CDH23: variants seen among roughly 807,000 people sequenced by gnomAD.
The protein encoded by CDH23 is cadherin related 23.
Under a neutral mutation model 317.1 loss-of-function variants are expected in CDH23, and 189 were observed. That is an observed-to-expected ratio of 0.60 (90% CI 0.53 to 0.67). The LOEUF (loss-of-function observed/expected upper bound fraction) is 0.67, where lower values mean the gene tolerates loss of function less well. Ranked by LOEUF, CDH23 falls within the 30% of genes least tolerant of loss-of-function variation. The probability of loss-of-function intolerance (pLI) is 0.00; values close to 1 mark genes in which losing one functional copy is unlikely to be tolerated. For synonymous variants in CDH23, 1,839 were observed against 1,876.8 expected (o/e 0.98, Z 0.52); for missense variants, 4,401 against 4,592.4 (o/e 0.96, Z 1.20).
Position 71,811,866 on chromosome 10 carries a change from C to A in CDH23, c.9320-89C>A. ...GCCCTTCACTGGGCCCAGGACCATG[C>A]CCCGCACCCCATCCTCCCTCACCCC... On this transcript the variant is annotated intron_variant, in intron 65 of 69. Coordinates refer to ENST00000224721, the MANE Select transcript of CDH23 (RefSeq NM_022124.6). The A allele has an allele frequency of 5.0e-6, 8 of 1,592,326 alleles. No homozygotes were observed. In the South Asian group the frequency reaches 9.0e-5, roughly 18 times the overall value.
intron 19 of CDH23, among the ~76,000 whole-genome samples, chr10:71,689,957 T>TACCTTGAGTCAGTACCTG (rs1305695592): frequency 1.3e-5 from 2 of 152,128 alleles, no homozygotes; most frequent in East Asian, 3.9e-4. Flanking sequence ...GAAAAGCTGA[T>TACCTTGAGTCAGTACCTG]ACCTTGAGTC....
At chr10:71,789,166 G>T (rs921430327) in intron 45 of CDH23, 124 bp downstream of exon 45, 6 of 608,320 alleles carry the variant, frequency 9.9e-6, no homozygotes, top group African/African-American at 1.8e-5. Context: ...GTGCGGGAGG[G>T]GAAGGATGGG....
At chr10:71,648,880 G>C (rs897960009) in intron 14 of CDH23, among the ~76,000 whole-genome samples, 5 of 152,266 alleles carry the variant, frequency 3.3e-5, no homozygotes, top group African/African-American at 1.2e-4. Flanking sequence ...GCCATGAAAG[G>C]TGAGGGCCCA....
chr10:71,550,843 A>G (rs1437812508), intron 6 of CDH23, among the ~76,000 whole-genome samples: 1 of 152,136 alleles, frequency 6.6e-6, no homozygotes, highest in South Asian at 2.1e-4. Context: ...GGGAAGAGAA[A>G]GAGGAGTGTC....
intron 38 of CDH23, among the ~76,000 whole-genome samples, chr10:71,774,042 TGCGCGC>T (rs57108074): frequency 5.6e-5 from 7 of 124,750 alleles, no homozygotes; most frequent in African/African-American, 1.7e-4. Context: ...CCTGAGTGCA[TGCGCGC>T]GCGCACACAC....
intron 48 of CDH23, chr10:71,796,148 G>A (rs1245506135): frequency 6.3e-6 from 6 of 954,178 alleles, no homozygotes; most frequent in South Asian, 9.7e-5. Flanking sequence ...TGCCAAGGGG[G>A]AAGGGAATCT....
intron 28 of CDH23, among the ~76,000 whole-genome samples, chr10:71,719,985 A>T (rs753214679): frequency 6.6e-6 from 1 of 152,054 alleles, no homozygotes; most frequent in Non-Finnish European, 1.5e-5. Context: ...GGGGTGGAAG[A>T]CTCTGGGGAG....
chr10:71,605,359 C>A (rs1860470718), intron 9 of CDH23, among the ~76,000 whole-genome samples: 1 of 151,922 alleles, frequency 6.6e-6, no homozygotes, highest in African/African-American at 2.4e-5. Flanking sequence ...TCTCAGGAGA[C>A]ATTTGGCAAT....
chr10:71,761,582 T>C, intron 38 of CDH23: 5 of 1,557,808 alleles, frequency 3.2e-6, no homozygotes, highest in Non-Finnish European at 4.3e-6. Context: ...GGCTGTCACG[T>C]GCAGGATGCC....
chr10:71,487,329 C>T lies in CDH23; in HGVS notation c.146-22753C>T, dbSNP rs575167915. On this transcript the variant is annotated intron_variant, in intron 3 of 69. Transcript: ENST00000224721. Reference sequence around the variant, plus strand: ...GGGGTTAGGGGTGCTGACCACCACACAGTCAGAAATCCTCATATAACTTTT... The same window carrying T: ...GGGGTTAGGGGTGCTGACCACCACATAGTCAGAAATCCTCATATAACTTTT... 2.5e-4 allele frequency among the ~76,000 whole-genome samples: 38 copies of T among 152,264 alleles called. 1 individual carries two copies. In the East Asian group the frequency reaches 2.9e-3, roughly 12 times the overall value.
At chr10:71,608,187 G>A (rs764969214) in intron 9 of CDH23, among the ~76,000 whole-genome samples, 4 of 152,178 alleles carry the variant, frequency 2.6e-5, no homozygotes, top group Non-Finnish European at 4.4e-5. Context: ...CTCAGTATGC[G>A]GTCTTCACCA....
At chr10:71,502,972 A>C (rs1057163238) in intron 3 of CDH23, among the ~76,000 whole-genome samples, 1 of 152,222 alleles carries the variant, frequency 6.6e-6, no homozygotes, top group African/African-American at 2.4e-5. Context: ...CAGGAGCCGC[A>C]TGACCACAAT....
intron 9 of CDH23, among the ~76,000 whole-genome samples, chr10:71,600,747 A>G (rs1432151685): frequency 6.6e-6 from 1 of 150,982 alleles, no homozygotes; most frequent in Non-Finnish European, 1.5e-5. Context: ...CGATCTCCTG[A>G]CCTTGTGATC....
chr10:71,508,761 C>T (rs897371462), intron 3 of CDH23, among the ~76,000 whole-genome samples: 43 of 152,194 alleles, frequency 2.8e-4, no homozygotes, highest in African/African-American at 9.9e-4. Context: ...GATCTCCTCA[C>T]CCCTTTGAGA....
At chr10:71,761,874 C>T (rs747452242) in intron 38 of CDH23, 2 of 1,614,140 alleles carry the variant, frequency 1.2e-6, no homozygotes, top group South Asian at 1.1e-5. Flanking sequence ...GTCTGCACCT[C>T]GCCCCTCGAG....
At chr10:71,713,243 A>G in intron 28 of CDH23, 1 of 779,380 alleles carries the variant, frequency 1.3e-6, no homozygotes, top group Non-Finnish European at 2.4e-6. Flanking sequence ...AACAGGCACA[A>G]GAAGAAAGGG....
chr10:71,449,195 G>A (rs1386397380), intron 3 of CDH23, among the ~76,000 whole-genome samples: 1 of 152,242 alleles, frequency 6.6e-6, no homozygotes, highest in Non-Finnish European at 1.5e-5. Flanking sequence ...TTTCAGGGTG[G>A]ACAAACACAC....
intron 31 of CDH23, among the ~76,000 whole-genome samples, chr10:71,731,018 C>T (rs1483373716): frequency 6.6e-6 from 1 of 152,230 alleles, no homozygotes; most frequent in Non-Finnish European, 1.5e-5. Context: ...CTAGCACACG[C>T]AGACCCCCTG....
intron 6 of CDH23, among the ~76,000 whole-genome samples, chr10:71,554,880 T>C (rs1856793972): frequency 6.6e-6 from 1 of 152,210 alleles, no homozygotes; most frequent in Non-Finnish European, 1.5e-5. Context: ...TATGTTGACA[T>C]TGCATAGCAA....
Sources: gnomAD v4.1 joint callset for allele counts (sites outside exome capture counted in the v4.1 genomes callset) on GRCh38, gnomAD v4.1.1 for gene constraint, MANE v1.5 for transcripts, NCBI Gene and HGNC (gene_info 2026-07-23, HGNC 2026-07-21) for gene names.